PXDNL: variants seen among roughly 807,000 people sequenced by gnomAD.
PXDNL encodes probable oxidoreductase PXDNL.
PXDNL carries 145 observed loss-of-function variants against 150.8 expected under a neutral mutation model. The observed-to-expected ratio is 0.96, with a 90% CI of 0.84 to 1.10. The LOEUF (loss-of-function observed/expected upper bound fraction) is 1.10, where lower values mean the gene tolerates loss of function less well. Among genes scored for constraint, PXDNL ranks in the 50% least tolerant of loss-of-function variants. The pLI is 0.00. For synonymous variants in PXDNL, 757 were observed against 725.7 expected, an observed-to-expected ratio of 1.04 and a Z score of -0.69; for missense variants, 2,087 against 1,873.9, an observed-to-expected ratio of 1.11 and a Z score of -2.10.
chr8:51,582,121 A>G (rs1273314597), intron 3 of PXDNL, among the ~76,000 whole-genome samples: 1 of 152,210 alleles, frequency 6.6e-6, no homozygotes, highest in Non-Finnish European at 1.5e-5. Flanking sequence ...TTGAAGCTCT[A>G]ACCTCAAATG....
intron 17 of PXDNL, among the ~76,000 whole-genome samples, chr8:51,402,904 TACACAC>T (rs55768775): frequency 0.57 from 83,153 of 145,996 alleles, 25,415 homozygotes; most frequent in Non-Finnish European, 0.68. Flanking sequence ...CTACTAAAAA[TACACAC>T]ACACACACAC....
chr8:51,730,624 A>G (rs1163331432), intron 1 of PXDNL, among the ~76,000 whole-genome samples: 2 of 152,240 alleles, frequency 1.3e-5, no homozygotes, highest in Non-Finnish European at 2.9e-5. Flanking sequence ...ATCAATAAAC[A>G]TTTATGTACA....
chr8:51,435,499 TTA>T (rs975169402), intron 12 of PXDNL: 36 of 146,886 alleles, frequency 2.5e-4, no homozygotes, highest in East Asian at 1.7e-3. Flanking sequence ...GTTAAAATTT[TTA>T]AAAAAAGTAA....
intron 14 of PXDNL, among the ~76,000 whole-genome samples, chr8:51,417,726 A>T (rs559078704): frequency 1.1e-4 from 16 of 152,294 alleles, no homozygotes; most frequent in Middle Eastern, 3.4e-3. Context: ...AAACTGACAC[A>T]TGTGAGGGCT....
chr8:51,551,305 C>T (rs570749398), intron 4 of PXDNL, among the ~76,000 whole-genome samples: 105 of 152,132 alleles, frequency 6.9e-4, no homozygotes, highest in African/African-American at 2.5e-3. Context: ...CACTATAATC[C>T]TTCATAGAAC....
At chr8:51,683,076 T>C (rs1023533702) in intron 1 of PXDNL, among the ~76,000 whole-genome samples, 1 of 149,298 alleles carries the variant, frequency 6.7e-6, no homozygotes, top group Non-Finnish European at 1.5e-5. Flanking sequence ...CATACTGTTT[T>C]CCATGGTGGC....
intron 1 of PXDNL, among the ~76,000 whole-genome samples, chr8:51,678,371 C>T (rs1323966354): frequency 6.6e-6 from 1 of 152,012 alleles, no homozygotes; most frequent in Non-Finnish European, 1.5e-5. Flanking sequence ...TTTTGTGTGT[C>T]CCGAAGGTAC....
chr8:51,339,873 T>C (rs908907130), intron 20 of PXDNL, 120 bp from the exon 21 acceptor site: 38 of 942,878 alleles, frequency 4.0e-5, no homozygotes, highest in Non-Finnish European at 1.8e-5. Flanking sequence ...TGGTGTTCTT[T>C]GTGATCTTAA....
chr8:51,684,425 C>T (rs909345072), intron 1 of PXDNL, among the ~76,000 whole-genome samples: 5 of 152,180 alleles, frequency 3.3e-5, no homozygotes, highest in Admixed American at 1.3e-4. Context: ...TCCCAGCAGA[C>T]ATTAATCGAT....
At chr8:51,613,546 G>A (rs1814067413) in intron 2 of PXDNL, among the ~76,000 whole-genome samples, 2 of 151,988 alleles carry the variant, frequency 1.3e-5, no homozygotes, top group Admixed American at 1.3e-4. Flanking sequence ...TGATTTCAAG[G>A]ATGGAGTGAT....
intron 1 of PXDNL, among the ~76,000 whole-genome samples, chr8:51,806,741 C>T (rs1056210953): frequency 3.3e-5 from 5 of 152,180 alleles, no homozygotes; most frequent in African/African-American, 1.2e-4. Context: ...TCACTTTTGG[C>T]TTCCATATTT....
At chr8:51,554,672 G>T (rs944179151) in intron 4 of PXDNL, among the ~76,000 whole-genome samples, 2 of 152,064 alleles carry the variant, frequency 1.3e-5, no homozygotes, top group Non-Finnish European at 2.9e-5. Context: ...AAGCCCTCTG[G>T]TGTGGACACA....
At chr8:51,749,197 A>G (rs1381249175) in intron 1 of PXDNL, among the ~76,000 whole-genome samples, 1 of 152,232 alleles carries the variant, frequency 6.6e-6, no homozygotes, top group Non-Finnish European at 1.5e-5. Flanking sequence ...ATGATTATAT[A>G]AAAATAATCT....
At chr8:51,391,403 G>C (rs913632257) in intron 17 of PXDNL, among the ~76,000 whole-genome samples, 1 of 152,132 alleles carries the variant, frequency 6.6e-6, no homozygotes, top group Non-Finnish European at 1.5e-5. Flanking sequence ...TCCAGCACCT[G>C]TTGTTTCCTG....
At chr8:51,597,660 T>C (rs986002111) in intron 2 of PXDNL, among the ~76,000 whole-genome samples, 3 of 151,894 alleles carry the variant, frequency 2.0e-5, no homozygotes, top group African/African-American at 7.3e-5. Flanking sequence ...TTTGTGTGTG[T>C]GTGTGTGTGT....
At chr8:51,486,777 TATATATATA>T (rs1563433470) in intron 5 of PXDNL, among the ~76,000 whole-genome samples, 16 of 12,064 alleles carry the variant, frequency 1.3e-3, no homozygotes, top group East Asian at 4.9e-3. Context: ...TATATATATA[TATATATATA>T]TATATATATT....
chr8:51,500,308 G>A (rs949205436), intron 4 of PXDNL, among the ~76,000 whole-genome samples: 1 of 152,146 alleles, frequency 6.6e-6, no homozygotes, highest in Non-Finnish European at 1.5e-5. Flanking sequence ...AATCCTTTTG[G>A]AATTAGGAAT....
At chr8:51,468,161 T>A (rs1301006253) in intron 8 of PXDNL, among the ~76,000 whole-genome samples, 1 of 152,016 alleles carries the variant, frequency 6.6e-6, no homozygotes, top group Non-Finnish European at 1.5e-5. Flanking sequence ...GTAGATATCA[T>A]CAGTGTTTTA....
At chr8:51,793,627 G>A (rs1349490444) in intron 1 of PXDNL, among the ~76,000 whole-genome samples, 4 of 152,134 alleles carry the variant, frequency 2.6e-5, no homozygotes, top group South Asian at 2.1e-4. Context: ...AAGGACTCAC[G>A]CCTGTAATCC....
Sources: allele counts gnomAD v4.1 joint callset (sites outside exome capture counted in the v4.1 genomes callset), GRCh38; gene constraint gnomAD v4.1.1; transcripts MANE v1.5; gene names NCBI Gene and HGNC (gene_info 2026-07-23, HGNC 2026-07-21).